Variants in FILIP1L observed in about 807,000 individuals in gnomAD.
The protein encoded by FILIP1L is filamin A interacting protein 1 like, also known as filamin A-interacting protein 1-like.
In FILIP1L, 55 loss-of-function variants were observed where a neutral mutation model predicts 96.6. The observed-to-expected ratio is 0.57, with a 90% CI of 0.46 to 0.71. FILIP1L has a LOEUF of 0.71. FILIP1L is among the 30% of genes least tolerant of loss of function. The pLI, the probability that FILIP1L is intolerant of heterozygous loss-of-function variation, is 0.00. For synonymous variants in FILIP1L, 467 were observed against 473.9 expected, an observed-to-expected ratio of 0.99 and a Z score of 0.19; for missense variants, 1,304 against 1,321.2, an observed-to-expected ratio of 0.99 and a Z score of 0.20.
rs1183231025 is a variant in FILIP1L, at chr3:99,829,438, CTGTT to C, written c.*972_*975del. On this transcript the variant is annotated 3_prime_UTR_variant, in exon 6 of 6. Transcript: ENST00000477258. ...GGACTGTGTCTACCCTTATAGATGACTGTTTGAATTCAACATTTTGTATTAATAG... is the reference window on the plus strand; with the variant it reads ...GGACTGTGTCTACCCTTATAGATGACTGAATTCAACATTTTGTATTAATAG... Among the ~76,000 whole-genome samples the C allele has an allele frequency of 6.6e-6, 1 of 152,152 alleles. No individual in the cohort carries two copies. Among genetic ancestry groups the C allele is most frequent in the Non-Finnish European group, 1.5e-5 (1 of 68,024 alleles).
intron 5 of FILIP1L, chr3:99,847,778 A>G (rs898510198): frequency 5.4e-6 from 1 of 184,488 alleles, no homozygotes. Context: ...CTCTCCTCTA[A>G]TATGTGATTA....
At chr3:99,938,074 T>C (rs201430604) in intron 1 of FILIP1L, among the ~76,000 whole-genome samples, 2,286 of 85,230 alleles carry the variant, frequency 0.027, 45 homozygotes, top group African/African-American at 0.086. Flanking sequence ...TGTGTGTGTG[T>C]GCGCGCGCGC....
At chr3:100,055,292 C>T (rs116488647) in intron 1 of FILIP1L, among the ~76,000 whole-genome samples, 220 of 152,326 alleles carry the variant, frequency 1.4e-3, no homozygotes, top group African/African-American at 4.9e-3. Context: ...GTATCTTTAG[C>T]ATTACTGAAC....
chr3:99,930,434 A>G (rs1707440940), intron 2 of FILIP1L, among the ~76,000 whole-genome samples: 1 of 152,162 alleles, frequency 6.6e-6, no homozygotes, highest in Non-Finnish European at 1.5e-5. Context: ...TTGGGGTACA[A>G]AAGCACCTAT....
intron 4 of FILIP1L, among the ~76,000 whole-genome samples, chr3:99,862,846 A>G (rs1944328351): frequency 6.6e-6 from 1 of 152,186 alleles, no homozygotes; most frequent in Non-Finnish European, 1.5e-5. Flanking sequence ...TCTACTCCAC[A>G]GCTCTTCTCC....
intron 1 of FILIP1L, among the ~76,000 whole-genome samples, chr3:99,945,095 A>G (rs969388400): frequency 1.3e-5 from 2 of 152,148 alleles, no homozygotes; most frequent in Non-Finnish European, 2.9e-5. Context: ...TACACAGAAC[A>G]AGCAGTCACC....
chr3:99,980,070 T>G (rs1228448277), intron 1 of FILIP1L, among the ~76,000 whole-genome samples: 1 of 152,082 alleles, frequency 6.6e-6, no homozygotes, highest in African/African-American at 2.4e-5. Flanking sequence ...AGCTGGAAAT[T>G]AGAGGGTGTG....
intron 5 of FILIP1L, among the ~76,000 whole-genome samples, chr3:99,843,218 A>G (rs1304435069): frequency 6.6e-6 from 1 of 152,196 alleles, no homozygotes; most frequent in Non-Finnish European, 1.5e-5. Context: ...GAAATGCTAC[A>G]GATTTAAGTT....
chr3:100,085,624 C>G (rs1483809362), intron 1 of FILIP1L, among the ~76,000 whole-genome samples: 1 of 152,174 alleles, frequency 6.6e-6, no homozygotes, highest in Non-Finnish European at 1.5e-5. Context: ...CATCCTCAAG[C>G]TTACAGGCTT....
At chr3:99,845,540 T>C (rs928688926) in intron 5 of FILIP1L, among the ~76,000 whole-genome samples, 1 of 152,208 alleles carries the variant, frequency 6.6e-6, no homozygotes. Context: ...ACTTCCTCTT[T>C]CCTTCCTGGT....
intron 1 of FILIP1L, among the ~76,000 whole-genome samples, chr3:100,021,590 T>C (rs1289828417): frequency 6.6e-6 from 1 of 152,214 alleles, no homozygotes; most frequent in African/African-American, 2.4e-5. Context: ...GTCTGTACTG[T>C]GACCCCATTT....
chr3:100,010,778 A>ATTTTTTTTT (rs11371196), intron 1 of FILIP1L, among the ~76,000 whole-genome samples: 304 of 93,576 alleles, frequency 3.2e-3, no homozygotes, highest in Non-Finnish European at 3.9e-3. Context: ...CCACGCCCGG[A>ATTTTTTTTT]TTTTTTTTTT....
intron 1 of FILIP1L, among the ~76,000 whole-genome samples, chr3:99,965,783 G>A (rs1412197288): frequency 6.6e-6 from 1 of 152,142 alleles, no homozygotes; most frequent in Non-Finnish European, 1.5e-5. Context: ...TTAGGGGGAG[G>A]GTGTTAAATG....
At chr3:99,949,535 A>G (rs1352973125) in intron 1 of FILIP1L, among the ~76,000 whole-genome samples, 1 of 152,188 alleles carries the variant, frequency 6.6e-6, no homozygotes, top group Non-Finnish European at 1.5e-5. Flanking sequence ...TTATCAGTTG[A>G]AAGAAGGAAA....
At chr3:99,882,559 G>C (rs1705763645) in intron 4 of FILIP1L, among the ~76,000 whole-genome samples, 1 of 152,182 alleles carries the variant, frequency 6.6e-6, no homozygotes, top group South Asian at 2.1e-4. Flanking sequence ...GAAAACATCT[G>C]ATCTTCTTAT....
At chr3:99,975,078 G>C (rs535808040) in intron 1 of FILIP1L, among the ~76,000 whole-genome samples, 2 of 152,282 alleles carry the variant, frequency 1.3e-5, no homozygotes, top group African/African-American at 4.8e-5. Flanking sequence ...ACTATACTGA[G>C]CATCTTAGAT....
intron 4 of FILIP1L, among the ~76,000 whole-genome samples, chr3:99,865,802 T>G (rs992270118): frequency 1.0e-4 from 15 of 150,448 alleles, no homozygotes; most frequent in Non-Finnish European, 2.1e-4. Flanking sequence ...GTATTTTATC[T>G]TATTAAGAAT....
chr3:100,017,797 G>A (rs565760258), intron 1 of FILIP1L, among the ~76,000 whole-genome samples: 34 of 152,222 alleles, frequency 2.2e-4, no homozygotes, highest in Admixed American at 7.2e-4. Context: ...GGTCTTCTCC[G>A]ACCTTCAGTG....
At chr3:100,110,423 T>G (rs1287584686) in intron 1 of FILIP1L, among the ~76,000 whole-genome samples, 1 of 152,112 alleles carries the variant, frequency 6.6e-6, no homozygotes, top group Non-Finnish European at 1.5e-5. Context: ...TATCCTCCCC[T>G]GCATTCCAAT....
Sources: allele counts gnomAD v4.1 joint callset (sites outside exome capture counted in the v4.1 genomes callset), GRCh38; gene constraint gnomAD v4.1.1; transcripts MANE v1.5; gene names NCBI Gene and HGNC (gene_info 2026-07-23, HGNC 2026-07-21).